Variants in ZNF823 observed in about 807,000 individuals in gnomAD.
ZNF823 encodes ZFP 36 for a zinc finger protein.
ZNF823 carries 5 observed loss-of-function variants against 11.4 expected under a neutral mutation model. The observed-to-expected ratio is 0.44, with a 90% CI of 0.23 to 0.92. The LOEUF is 0.92. Among genes scored for constraint, ZNF823 ranks in the 40% least tolerant of loss-of-function variants. ZNF823 has a pLI of 0.24. For missense variants in ZNF823, 582 were observed against 738.5 expected (o/e 0.79, Z 2.46); for synonymous variants, 234 against 250.5 (o/e 0.93, Z 0.62).
Position 11,725,255 on chromosome 19 carries a change from T to A in ZNF823, c.76A>T (p.Lys26Ter). ...TGCATGACATTTCTGTAGAGACTCT[T>A]CTGTGATGGACCCAGCAAAGCCCAC... ...EEWALLGPSQ[K>*]SLYRNVMQET... Residue 26 changes from lysine to a stop codon, truncating the protein, a stop_gained, in exon 2 of 4, where the codon AAG becomes TAG. Coordinates refer to ENST00000341191, the MANE Select transcript of ZNF823 (RefSeq NM_001080493.4). LOFTEE classifies it high-confidence loss of function. The A allele has an allele frequency of 1.2e-6, 2 of 1,614,094 alleles. No individual in the cohort carries two copies. The highest frequency in any genetic ancestry group is 1.7e-6 in the Non-Finnish European group (2 of 1,180,000).
chr19:11,734,352 C>T (rs1974955083), intron 1 of ZNF823, among the ~76,000 whole-genome samples: 1 of 152,144 alleles, frequency 6.6e-6, no homozygotes, highest in South Asian at 2.1e-4. Context: ...CGCATTGCTT[C>T]GACTATGCCC....
intron 1 of ZNF823, 134 bp downstream of exon 1, chr19:11,738,683 A>G: frequency 8.2e-7 from 1 of 1,222,130 alleles, no homozygotes; most frequent in South Asian, 1.7e-5. Flanking sequence ...CCAAGGGCAG[A>G]GCTGCGCCAG....
At chr19:11,730,136 C>T (rs1013116793) in intron 1 of ZNF823, among the ~76,000 whole-genome samples, 2 of 152,110 alleles carry the variant, frequency 1.3e-5, no homozygotes, top group Non-Finnish European at 2.9e-5. Context: ...CCATGTTGGT[C>T]AGGGTGGTCT....
intron 1 of ZNF823, among the ~76,000 whole-genome samples, chr19:11,735,691 C>T (rs1974980975): frequency 6.6e-6 from 1 of 152,036 alleles, no homozygotes; most frequent in South Asian, 2.1e-4. Flanking sequence ...GGCTTCTCCA[C>T]CCCAGTCAAG....
intron 3 of ZNF823, 150 bp from the exon 4 acceptor site, chr19:11,723,492 G>T (rs768474134): frequency 4.8e-4 from 318 of 667,076 alleles, no homozygotes; most frequent in Non-Finnish European, 6.7e-4. Flanking sequence ...GTGTAAGATG[G>T]TCCCATCACA....
intron 1 of ZNF823, 38 bp downstream of exon 1, chr19:11,738,779 C>A: frequency 6.2e-7 from 1 of 1,604,736 alleles, no homozygotes. Context: ...CCAACCTGCC[C>A]CTTCTTTGCC....
Position 11,721,911 on chromosome 19 carries a change from G to A in ZNF823, c.1623C>T (p.Cys541=), listed in dbSNP as rs751060575. 4.3e-6 allele frequency: 7 copies of A among 1,613,158 alleles called. No homozygotes were observed. In the South Asian group the frequency reaches 7.7e-5, roughly 18 times the overall value. ...ECGKAFSWLT[C]LLRHERIHTG... ...TGTGAATTCTTTCATGTCGTAGAAGGCAAGTGAGCCAAGAGAATGCTTTTC... is the reference window on the plus strand; with the variant it reads ...TGTGAATTCTTTCATGTCGTAGAAGACAAGTGAGCCAAGAGAATGCTTTTC... Residue 541 remains cysteine (C), a synonymous_variant, in exon 4 of 4, where the codon TGC becomes TGT. Transcript: ENST00000341191.
At chr19:11,731,001 T>TAAA (rs1299112742) in intron 1 of ZNF823, among the ~76,000 whole-genome samples, 13 of 58,088 alleles carry the variant, frequency 2.2e-4, no homozygotes, top group African/African-American at 3.0e-4. Context: ...GCAAAGAAAC[T>TAAA]AAAAAAAAAA....
chr19:11,729,102 G>A (rs544050890), intron 1 of ZNF823, among the ~76,000 whole-genome samples: 61 of 152,034 alleles, frequency 4.0e-4, no homozygotes, highest in Middle Eastern at 6.8e-3. Context: ...TTGAACCCGG[G>A]AGGCGGAGGC....
At chr19:11,732,583 G>A (rs1974920993) in intron 1 of ZNF823, among the ~76,000 whole-genome samples, 1 of 151,714 alleles carries the variant, frequency 6.6e-6, no homozygotes, top group Non-Finnish European at 1.5e-5. Context: ...ACAGGCGTGA[G>A]CCACCGCGCC....
intron 1 of ZNF823, among the ~76,000 whole-genome samples, chr19:11,728,908 C>T (rs571613435): frequency 6.6e-6 from 1 of 152,282 alleles, no homozygotes; most frequent in Non-Finnish European, 1.5e-5. Context: ...CACAGTGGCT[C>T]ACGCCTGTAA....
chr19:11,726,308 A>ATATATATATATATATATATATAT (rs201583355), intron 1 of ZNF823, among the ~76,000 whole-genome samples: 19 of 140,652 alleles, frequency 1.4e-4, no homozygotes, highest in South Asian at 4.5e-4. Flanking sequence ...ATATATATAT[A>ATATATATATATATATATATATAT]AATTTTTTTT....
chr19:11,737,359 G>A (rs544683951), intron 1 of ZNF823, among the ~76,000 whole-genome samples: 2 of 152,280 alleles, frequency 1.3e-5, no homozygotes, highest in East Asian at 3.9e-4. Context: ...CGCCTACCGG[G>A]TTCAAGCAAT....
chr19:11,726,565 T>G (rs73500538), intron 1 of ZNF823, among the ~76,000 whole-genome samples: 12,828 of 151,898 alleles, frequency 0.084, 1,169 homozygotes, highest in African/African-American at 0.23. Flanking sequence ...GTAGGCCTAG[T>G]GTCCTTAAGA....
chr19:11,734,001 G>A lies in ZNF823; in HGVS notation c.3+4816C>T, dbSNP rs72986623. On this transcript the variant is annotated intron_variant, in intron 1 of 3. Transcript: ENST00000341191. The stretch of plus-strand genomic sequence containing the variant: ...TGTAATCTCAGTACTTAGGGAGGCC[G>A]AGGCAGCCGGATCACTTGAGCCCAC... Among the ~76,000 whole-genome samples the A allele has an allele frequency of 6.8e-3, 1,034 of 152,156 alleles. 8 individuals are homozygous for A. The highest frequency in any genetic ancestry group is 8.5e-3 in the South Asian group (41 of 4,812).
chr19:11,725,141 T>C (rs1974767685), intron 2 of ZNF823, 60 bp downstream of exon 2: 2 of 1,586,268 alleles, frequency 1.3e-6, no homozygotes, highest in African/African-American at 1.3e-5. Flanking sequence ...ATGAACAGCG[T>C]TGATGGCCAG....
rs1975047276 is a variant in ZNF823, at chr19:11,738,913, T to A, written c.-94A>T. ...ATACAGACCTTCCAGGGCGTCTCTCTCTCAGCGCCAGAGCCAGGACTCAGA... is the reference window on the plus strand; with the variant it reads ...ATACAGACCTTCCAGGGCGTCTCTCACTCAGCGCCAGAGCCAGGACTCAGA... On this transcript the variant is annotated 5_prime_UTR_variant, in exon 1 of 4. Transcript: ENST00000341191. The A allele has an allele frequency of 1.3e-6, 2 of 1,484,584 alleles. No homozygotes were observed. The highest frequency in any genetic ancestry group is 4.6e-5 in the Admixed American group (2 of 43,200). 92.0% of individuals were successfully genotyped at this position (1,484,584 alleles called of 1,614,324 possible). A position where few individuals can be genotyped will look rare whatever the true frequency, so the allele number is the denominator to read the frequency against.
intron 1 of ZNF823, among the ~76,000 whole-genome samples, chr19:11,729,267 G>A (rs559764090): frequency 6.6e-6 from 1 of 151,868 alleles, no homozygotes; most frequent in East Asian, 1.9e-4. Flanking sequence ...TAAATATAAA[G>A]GTATGGAGGA....
chr19:11,725,078 TA>T, intron 2 of ZNF823, 122 bp downstream of exon 2: 1 of 1,322,970 alleles, frequency 7.6e-7, no homozygotes, highest in Non-Finnish European at 1.0e-6. Context: ...CTGACACCTC[TA>T]AACCCTGTGT....
Sources: allele counts gnomAD v4.1 joint callset (sites outside exome capture counted in the v4.1 genomes callset), GRCh38; gene constraint gnomAD v4.1.1; transcripts MANE v1.5; gene names NCBI Gene and HGNC (gene_info 2026-07-23, HGNC 2026-07-21).